The following MEI4 variants were observed in gnomAD, a reference collection of about 807,000 sequenced individuals.
The protein encoded by MEI4 is meiosis-specific protein MEI4.
In MEI4, 27 loss-of-function variants were observed where a neutral mutation model predicts 31.4. That is an observed-to-expected ratio of 0.86 (90% CI 0.63 to 1.19). The LOEUF is 1.19. Ranked by LOEUF, MEI4 falls within the 50% of genes most tolerant of loss-of-function variation. MEI4 has a pLI of 0.00. For missense variants in MEI4, 329 were observed against 398.9 expected (o/e 0.82, Z 1.49); for synonymous variants, 122 against 145.4 (o/e 0.84, Z 1.16).
At chr6:77,763,953 A>G (rs1206481200) in intron 3 of MEI4, among the ~76,000 whole-genome samples, 1 of 152,112 alleles carries the variant, frequency 6.6e-6, no homozygotes, top group Admixed American at 6.5e-5. Flanking sequence ...AACTGGGACT[A>G]CAGGTGCATG....
At chr6:77,666,800 A>G (rs1021824301) in intron 1 of MEI4, among the ~76,000 whole-genome samples, 1 of 152,178 alleles carries the variant, frequency 6.6e-6, no homozygotes, top group African/African-American at 2.4e-5. Flanking sequence ...GTCTTTAGAA[A>G]GAAAACACAA....
chr6:77,702,771 C>T (rs536496390), intron 2 of MEI4, among the ~76,000 whole-genome samples: 1 of 152,298 alleles, frequency 6.6e-6, no homozygotes, highest in Non-Finnish European at 1.5e-5. Flanking sequence ...AACCTGTCAC[C>T]ACCACGTCCT....
intron 1 of MEI4, among the ~76,000 whole-genome samples, chr6:77,673,563 G>A (rs1284043229): frequency 6.6e-6 from 1 of 152,138 alleles, no homozygotes; most frequent in African/African-American, 2.4e-5. Flanking sequence ...ACCCTCTTGG[G>A]GGTGTTGGTG....
intron 4 of MEI4, among the ~76,000 whole-genome samples, chr6:77,865,080 C>G (rs1385364297): frequency 6.6e-6 from 1 of 152,024 alleles, no homozygotes; most frequent in African/African-American, 2.4e-5. Flanking sequence ...ACATTCAAAG[C>G]AGTGTGTAGA....
At chr6:77,791,905 A>C (rs1768947303) in intron 3 of MEI4, among the ~76,000 whole-genome samples, 1 of 152,162 alleles carries the variant, frequency 6.6e-6, no homozygotes, top group South Asian at 2.1e-4. Context: ...AATTTGGACC[A>C]ACATCTCTGA....
chr6:77,738,858 C>T (rs6923021), intron 2 of MEI4, among the ~76,000 whole-genome samples: 80,295 of 152,036 alleles, frequency 0.53, 22,661 homozygotes, highest in East Asian at 0.75. Context: ...TGAGCTTTTT[C>T]TCATATGTTT....
Position 77,847,675 on chromosome 6 carries a change from A to C in MEI4, c.900+18613A>C, listed in dbSNP as rs1025033436. ...ATTTCTTTCCTACTCCGATCTTTGT[A>C]TTATAGACATTAACACATTTTAATG... On this transcript the variant is annotated intron_variant, in intron 4 of 4. Coordinates refer to ENST00000684080, the MANE Select transcript of MEI4 (RefSeq NM_001322247.2). This position sits in a 1 kb window ranked among gnomAD's most constrained non-coding sequence, Gnocchi z 4.6. Among the ~76,000 whole-genome samples the C allele has an allele frequency of 4.6e-5, 7 of 152,184 alleles. No individual in the cohort carries two copies. Among genetic ancestry groups the C allele is most frequent in the Non-Finnish European group, 8.8e-5 (6 of 68,030 alleles).
At chr6:77,660,426 A>G (rs1348844044) in intron 1 of MEI4, among the ~76,000 whole-genome samples, 1 of 152,160 alleles carries the variant, frequency 6.6e-6, no homozygotes, top group African/African-American at 2.4e-5. Context: ...ACCAAGAGAT[A>G]TCAGCTGTGA....
At position 77,754,333 on chromosome 6, in the gene MEI4, C is replaced by T. The variant is rs570695535; in HGVS notation, c.233-6797C>T. 1.6e-3 allele frequency among the ~76,000 whole-genome samples: 249 copies of T among 152,244 alleles called. 4 individuals carry two copies. Among genetic ancestry groups the T allele is most frequent in the Non-Finnish European group, 4.6e-4 (31 of 68,004 alleles). On this transcript the variant is annotated intron_variant, in intron 2 of 4. Transcript: ENST00000684080. ...GATCTCTACGGCAGAGGCAAAATGC[C>T]GCCAGTCTCTTTGCTAAAGCATAGC...
chr6:77,864,221 C>T (rs1290958001), intron 4 of MEI4, among the ~76,000 whole-genome samples: 1 of 152,142 alleles, frequency 6.6e-6, no homozygotes, highest in African/African-American at 2.4e-5. Context: ...ATCAAATTCA[C>T]ATATAAAAAC....
At chr6:77,835,400 ACACAAAT>A (rs1562006616) in intron 4 of MEI4, among the ~76,000 whole-genome samples, 1 of 131,140 alleles carries the variant, frequency 7.6e-6, no homozygotes, top group African/African-American at 3.2e-5. Context: ...ACACACACAC[ACACAAAT>A]AAAAAAAAAA....
chr6:77,833,676 T>C (rs905762028), intron 4 of MEI4, among the ~76,000 whole-genome samples: 1 of 152,094 alleles, frequency 6.6e-6, no homozygotes, highest in African/African-American at 2.4e-5. Flanking sequence ...CATGAAGGTT[T>C]GTTACATAGG....
chr6:77,736,321 G>A (rs888515051), intron 2 of MEI4, among the ~76,000 whole-genome samples: 9 of 151,880 alleles, frequency 5.9e-5, no homozygotes, highest in Non-Finnish European at 1.3e-4. Flanking sequence ...AGCCATGTGC[G>A]GGATATAATC....
intron 3 of MEI4, among the ~76,000 whole-genome samples, chr6:77,768,132 G>A (rs1281687145): frequency 6.6e-6 from 1 of 152,164 alleles, no homozygotes; most frequent in African/African-American, 2.4e-5. Flanking sequence ...CTCACTGGAA[G>A]TACTTAACCA....
In MEI4 at chr6:77,847,512, A is replaced by G. The variant is rs949621387; in HGVS notation, c.900+18450A>G. ...ATGAGAAAATATCAAATGCATTTCA[A>G]TAATATACCTTTACTGATTGTTTTT... On this transcript the variant is annotated intron_variant, in intron 4 of 4. Transcript: ENST00000684080. The surrounding 1 kb of genome is among the most constrained non-coding windows in gnomAD (Gnocchi z 4.6). Among the ~76,000 whole-genome samples, 1 of 152,164 alleles carries G rather than the reference A, an allele frequency of 6.6e-6. No individual in the cohort carries two copies. The highest frequency in any genetic ancestry group is 6.6e-5 in the Admixed American group (1 of 15,258).
intron 1 of MEI4, among the ~76,000 whole-genome samples, chr6:77,656,339 G>A (rs1276365506): frequency 3.3e-5 from 5 of 151,632 alleles, no homozygotes; most frequent in African/African-American, 4.8e-5. Flanking sequence ...TCTCTTGCAA[G>A]ATTAAAAAAA....
At chr6:77,661,192 G>A (rs565172463) in intron 1 of MEI4, among the ~76,000 whole-genome samples, 1 of 152,172 alleles carries the variant, frequency 6.6e-6, no homozygotes, top group South Asian at 2.1e-4. Context: ...GCTTGGTGAG[G>A]TGTGCCTTTA....
At chr6:77,864,345 A>G (rs9343683) in intron 4 of MEI4, among the ~76,000 whole-genome samples, 21,103 of 147,412 alleles carry the variant, frequency 0.14, 1,684 homozygotes, top group East Asian at 0.4. Flanking sequence ...CATCTCACAT[A>G]CAGAGACACA....
At chr6:77,742,009 C>T (rs2127673061) in intron 2 of MEI4, among the ~76,000 whole-genome samples, 1 of 152,026 alleles carries the variant, frequency 6.6e-6, no homozygotes, top group African/African-American at 2.4e-5. Context: ...TTTCTTGATC[C>T]AGTCTATCAT....
Sources: gnomAD v4.1 joint callset for allele counts (sites outside exome capture counted in the v4.1 genomes callset) on GRCh38, gnomAD v4.1.1 for gene constraint, Gnocchi (gnomAD v3.1) non-coding constraint, MANE v1.5 for transcripts, NCBI Gene and HGNC (gene_info 2026-07-23, HGNC 2026-07-21) for gene names.